DNAH9: variants seen among roughly 807,000 people sequenced by gnomAD.
The protein encoded by DNAH9 is DNAH9 variant protein.
In DNAH9, 345 loss-of-function variants were observed where a neutral mutation model predicts 471.6. The ratio of observed to expected loss-of-function variants is 0.73; its 90% CI spans 0.67 to 0.80. DNAH9 has a LOEUF of 0.80. Ranked by LOEUF, DNAH9 falls within the 30% of genes least tolerant of loss-of-function variation. The probability of loss-of-function intolerance (pLI) is 0.00; values close to 1 mark genes in which losing one functional copy is unlikely to be tolerated. For synonymous variants in DNAH9, 2,093 were observed against 2,123.6 expected, an observed-to-expected ratio of 0.99 and a Z score of 0.40; for missense variants, 5,407 against 5,609.2, an observed-to-expected ratio of 0.96 and a Z score of 1.15.
chr17:11,695,942 G>A (rs533105127), intron 22 of DNAH9, among the ~76,000 whole-genome samples: 1 of 152,196 alleles, frequency 6.6e-6, no homozygotes, highest in Non-Finnish European at 1.5e-5. Flanking sequence ...CAGTTTTAGG[G>A]TTTTTCCCAT....
intron 48 of DNAH9, among the ~76,000 whole-genome samples, chr17:11,833,393 G>A (rs970213129): frequency 6.6e-6 from 1 of 152,216 alleles, no homozygotes; most frequent in African/African-American, 2.4e-5. Context: ...AAGAAAGTCA[G>A]CCACCATTAC....
chr17:11,757,843 A>G (rs1967466922), intron 35 of DNAH9, 151 bp downstream of exon 35: 1 of 791,662 alleles, frequency 1.3e-6, no homozygotes, highest in African/African-American at 1.7e-5. Flanking sequence ...CAAAGGGGAC[A>G]CACATTAGGA....
In DNAH9 at chr17:11,611,760, T is replaced by C; in HGVS notation, c.884T>C (p.Met295Thr). 1 of 1,614,202 alleles carries C rather than the reference T, an allele frequency of 6.2e-7. No homozygotes were observed. Among genetic ancestry groups the C allele is most frequent in the Non-Finnish European group, 8.5e-7 (1 of 1,180,000 alleles). Residue 295 changes from methionine to threonine, a missense_variant, in exon 4 of 69, where the codon ATG (methionine) becomes ACG (threonine). Met to Thr is a moderately conservative substitution (Grantham distance 81). Coordinates refer to ENST00000262442, the MANE Select transcript of DNAH9 (RefSeq NM_001372.4). ...AGCTACTTTCCAGCTTTCAAAGCCA[T>C]GTACAGAGATGTTGTTGCAGGTGAG... Reference protein sequence around the residue: ...QSSYFPAFKAMYRDVVAALAE... With the variant: ...QSSYFPAFKATYRDVVAALAE...
At chr17:11,606,631 G>A (rs1442658545) in intron 1 of DNAH9, among the ~76,000 whole-genome samples, 5 of 149,276 alleles carry the variant, frequency 3.3e-5, no homozygotes, top group African/African-American at 1.3e-4. Flanking sequence ...TTGTATTTTA[G>A]TAGAGACAGG....
rs1303985785 is a variant in DNAH9, at chr17:11,891,710, AG to A, written c.11113-65del. On this transcript the variant is annotated intron_variant, in intron 57 of 68. Transcript: ENST00000262442. Reference sequence around the variant, plus strand: ...GCTGGAAAACTATCACATTCTTCGCAGGTAAGACCACTAGTGTATAGTAAGA... The same window carrying A: ...GCTGGAAAACTATCACATTCTTCGCAGTAAGACCACTAGTGTATAGTAAGA... The A allele has an allele frequency of 2.0e-6, 3 of 1,510,008 alleles. No individual in the cohort carries two copies. In the African/African-American group the frequency reaches 4.2e-5, roughly 21 times the overall value. 93.5% of individuals were successfully genotyped at this position (1,510,008 alleles called of 1,614,324 possible). A position where few individuals can be genotyped will look rare whatever the true frequency, so the allele number is the denominator to read the frequency against.
In DNAH9 at chr17:11,822,877, T is replaced by G; in HGVS notation, c.9089T>G (p.Leu3030Arg). 4.3e-6 allele frequency: 7 copies of G among 1,614,238 alleles called. No individual in the cohort carries two copies. Among genetic ancestry groups the G allele is most frequent in the Non-Finnish European group, 5.1e-6 (6 of 1,180,046 alleles). Residue 3030 changes from leucine (L) to arginine (R), a missense_variant, in exon 48 of 69, where the codon CTG (leucine) becomes CGG (arginine). Around this residue, in one of 3 missense-constraint regions of DNAH9, gnomAD observed 4,636 missense variants for 4,900.3 expected, o/e 0.95. Transcript: ENST00000262442. ...TSVNQTSQSYLSNEQRYNYTT... is the reference protein window; with the variant it reads ...TSVNQTSQSYRSNEQRYNYTT... ...GTCAACCAAACATCCCAGTCTTATC[T>G]GAGCAATGAACAGCGCTACAACTAT...
intron 12 of DNAH9, among the ~76,000 whole-genome samples, chr17:11,648,486 C>A (rs1395533023): frequency 6.6e-6 from 1 of 152,042 alleles, no homozygotes; most frequent in Admixed American, 6.6e-5. Context: ...GTAATTAAGC[C>A]CTTGAGATAA....
chr17:11,831,313 G>A (rs938841836), intron 48 of DNAH9, among the ~76,000 whole-genome samples: 4 of 152,134 alleles, frequency 2.6e-5, no homozygotes, highest in Non-Finnish European at 5.9e-5. Flanking sequence ...GATGTGTGCA[G>A]ATATCACATG....
In DNAH9 at chr17:11,942,468, C is replaced by G. The variant is rs764599803; in HGVS notation, c.12826C>G (p.Leu4276Val). ...AGAGATTCAGCGCTCACTGAGGGAG[C>G]TGGAGCTCGGCTTAAAGGTGAGCGC... Reference protein sequence around the residue: ...TREIQRSLRELELGLKGELTM... With the variant: ...TREIQRSLREVELGLKGELTM... The change falls in exon 67 of 69, where the codon CTG becomes GTG. Residue 4276 changes from leucine (L) to valine (V), a missense_variant. By Grantham distance (32) the Leu-to-Val change is conservative. Around this residue, in one of 3 missense-constraint regions of DNAH9, gnomAD observed 4,636 missense variants for 4,900.3 expected, o/e 0.95. Coordinates refer to ENST00000262442, the MANE Select transcript of DNAH9 (RefSeq NM_001372.4). 9 of 1,613,844 alleles carry G rather than the reference C, an allele frequency of 5.6e-6. No homozygotes were observed. The African/African-American group carries it at 9.3e-5, about 17-fold the overall frequency.
chr17:11,724,673 A>G (rs1458028543), intron 27 of DNAH9, among the ~76,000 whole-genome samples: 1 of 152,172 alleles, frequency 6.6e-6, no homozygotes, highest in Non-Finnish European at 1.5e-5. Flanking sequence ...TGACACTTGG[A>G]TTGTTTTGCA....
At chr17:11,647,391 G>C (rs1365166145) in intron 12 of DNAH9, among the ~76,000 whole-genome samples, 193 bp downstream of exon 12, 1 of 152,114 alleles carries the variant, frequency 6.6e-6, no homozygotes, top group Non-Finnish European at 1.5e-5. Context: ...TCCTACCTCA[G>C]CCTCCCAGCA....
At position 11,669,603 on chromosome 17, in the gene DNAH9, C is replaced by A; in HGVS notation, c.3162C>A (p.Leu1054=). The A allele has an allele frequency of 6.2e-7, 1 of 1,614,172 alleles. No individual in the cohort carries two copies. The highest frequency in any genetic ancestry group is 1.7e-5 in the Admixed American group (1 of 60,024). ...ATGGCATCCCAGAGAACCCTCCCCT[C>A]CTTTCTCAGTTTAAAGTGCAAATCG... is the stretch of plus-strand genomic sequence containing the variant. ...VEDGIPENPP[L]LSQFKVQIDS... is the part of the protein sequence containing the mutation. The change falls in exon 17 of 69, where the codon CTC becomes CTA. Residue 1054 remains leucine (L), a synonymous_variant. Transcript: ENST00000262442.
chr17:11,928,727 C>T (rs1411699865), intron 62 of DNAH9, among the ~76,000 whole-genome samples: 3 of 152,180 alleles, frequency 2.0e-5, no homozygotes, highest in South Asian at 2.1e-4. Context: ...ATAAGTTTGG[C>T]AACAATTAAC....
At chr17:11,950,786 G>T (rs530551794) in intron 67 of DNAH9, among the ~76,000 whole-genome samples, 5 of 152,298 alleles carry the variant, frequency 3.3e-5, no homozygotes, top group African/African-American at 1.2e-4. Flanking sequence ...AACACAGAGT[G>T]AGCTGTTGAC....
At chr17:11,725,475 T>G (rs57400891) in intron 27 of DNAH9, among the ~76,000 whole-genome samples, 3,382 of 152,352 alleles carry the variant, frequency 0.022, 123 homozygotes, top group African/African-American at 0.076. Context: ...GCACATAGTA[T>G]ATGCTCAATA....
chr17:11,905,608 C>G, intron 60 of DNAH9, 53 bp from the exon 61 acceptor site: 1 of 1,565,056 alleles, frequency 6.4e-7, no homozygotes, highest in South Asian at 1.2e-5. Context: ...CAAATGTTAC[C>G]ATTTTGTGGC....
intron 38 of DNAH9, among the ~76,000 whole-genome samples, chr17:11,771,236 C>A (rs1437186235): frequency 6.6e-6 from 1 of 152,178 alleles, no homozygotes; most frequent in Non-Finnish European, 1.5e-5. Context: ...TCAAGCAATT[C>A]TCTTGTCTCA....
At chr17:11,745,597 C>G (rs1377449807) in intron 31 of DNAH9, among the ~76,000 whole-genome samples, 1 of 152,080 alleles carries the variant, frequency 6.6e-6, no homozygotes, top group Non-Finnish European at 1.5e-5. Context: ...CAGACACAGA[C>G]ACACACACAC....
chr17:11,705,320 C>A (rs2150778750), intron 26 of DNAH9, 135 bp downstream of exon 26: 1 of 719,582 alleles, frequency 1.4e-6, no homozygotes, highest in Non-Finnish European at 2.3e-6. Flanking sequence ...CTCAACACAG[C>A]CTGTTTAAAG....
Sources: allele counts gnomAD v4.1 joint callset (sites outside exome capture counted in the v4.1 genomes callset), GRCh38; gene constraint gnomAD v4.1.1; regional missense constraint gnomAD v4.1.1; transcripts MANE v1.5; gene names NCBI Gene and HGNC (gene_info 2026-07-23, HGNC 2026-07-21).